The following FNIP1 variants were observed in gnomAD, a reference collection of about 807,000 sequenced individuals.
The protein encoded by FNIP1 is folliculin-interacting protein 1.
In FNIP1, 40 loss-of-function variants were observed where a neutral mutation model predicts 124.5. The ratio of observed to expected loss-of-function variants is 0.32; its 90% confidence interval spans 0.25 to 0.42. FNIP1 has a LOEUF of 0.42. Ranked by LOEUF, FNIP1 falls within the 10% of genes least tolerant of loss-of-function variation. The probability of loss-of-function intolerance (pLI) is 1.00; values close to 1 mark genes in which losing one functional copy is unlikely to be tolerated. For synonymous variants in FNIP1, 472 were observed against 470.6 expected (o/e 1.00, Z -0.04); for missense variants, 1,176 against 1,403.7 (o/e 0.84, Z 2.59).
At chr5:131,722,490 T>C (rs1484312374) in intron 3 of FNIP1, among the ~76,000 whole-genome samples, 1 of 152,218 alleles carries the variant, frequency 6.6e-6, no homozygotes, top group Non-Finnish European at 1.5e-5. Context: ...ATTTTACAAC[T>C]GGAGACCAGG....
rs1469227377 is a variant in FNIP1, at chr5:131,643,999, C to T, written c.*686G>A. 1 of 152,124 alleles carries T rather than the reference C, an allele frequency of 6.6e-6. No individual in the cohort carries two copies. Among genetic ancestry groups the T allele is most frequent in the Non-Finnish European group, 1.5e-5 (1 of 67,958 alleles). 9.4% of individuals were successfully genotyped at this position (152,124 alleles called of 1,614,324 possible). A position where few individuals can be genotyped will look rare whatever the true frequency, so the allele number is the denominator to read the frequency against. Reference sequence around the variant, plus strand: ...TAGAGTGTGTGAAACAGAAAAATCACCAATAAGTAATATTTCAGCATTATA... The same window carrying T: ...TAGAGTGTGTGAAACAGAAAAATCATCAATAAGTAATATTTCAGCATTATA... On this transcript the variant is annotated 3_prime_UTR_variant, in exon 18 of 18. Transcript: ENST00000510461.
At chr5:131,699,395 CTTT>C (rs1230600109) in intron 10 of FNIP1, among the ~76,000 whole-genome samples, 5 of 135,990 alleles carry the variant, frequency 3.7e-5, no homozygotes, top group African/African-American at 5.6e-5. Context: ...CTGTTAACTC[CTTT>C]TTTTTTTTTT....
chr5:131,767,427 CAAAAAA>C (rs139550903), intron 1 of FNIP1, among the ~76,000 whole-genome samples: 1 of 63,992 alleles, frequency 1.6e-5, no homozygotes, highest in African/African-American at 5.0e-5. Context: ...GATTCTGTCT[CAAAAAA>C]AAAAAAAAAA....
chr5:131,679,687 A>C (rs571068378), intron 11 of FNIP1, among the ~76,000 whole-genome samples: 1 of 152,330 alleles, frequency 6.6e-6, no homozygotes, highest in Admixed American at 6.5e-5. Flanking sequence ...AACAGTATAC[A>C]TACATGCTAC....
At chr5:131,667,677 C>T (rs192478709) in intron 15 of FNIP1, among the ~76,000 whole-genome samples, 156 of 150,608 alleles carry the variant, frequency 1.0e-3, no homozygotes, top group Non-Finnish European at 1.7e-3. Context: ...CAACCTCTAC[C>T]TCCTGGATTC....
At chr5:131,696,475 A>G (rs1561660098) in intron 11 of FNIP1, among the ~76,000 whole-genome samples, 1 of 152,152 alleles carries the variant, frequency 6.6e-6, no homozygotes, top group African/African-American at 2.4e-5. Context: ...CCGTATCACT[A>G]GAGTTTCAGT....
At chr5:131,650,805 T>A (rs1283469829) in intron 16 of FNIP1, among the ~76,000 whole-genome samples, 1 of 152,220 alleles carries the variant, frequency 6.6e-6, no homozygotes, top group Admixed American at 6.5e-5. Context: ...AACTATGGTA[T>A]GTTATAGTTC....
intron 1 of FNIP1, among the ~76,000 whole-genome samples, chr5:131,757,633 GCCAA>G (rs1475239999): frequency 6.9e-6 from 1 of 145,256 alleles, no homozygotes; most frequent in South Asian, 2.2e-4. Context: ...GCCTCTGAAG[GCCAA>G]AAAAAAAAAA....
intron 2 of FNIP1, among the ~76,000 whole-genome samples, chr5:131,743,684 G>T (rs1580803818): frequency 6.6e-6 from 1 of 152,132 alleles, no homozygotes; most frequent in South Asian, 2.1e-4. Context: ...CATGAATGGG[G>T]TTGGTGTCCT....
intron 15 of FNIP1, among the ~76,000 whole-genome samples, chr5:131,670,211 C>G (rs1324895341): frequency 1.3e-5 from 2 of 151,998 alleles, no homozygotes; most frequent in Non-Finnish European, 2.9e-5. Context: ...CTATAAATAA[C>G]CTAGTTGATG....
chr5:131,681,294 T>C (rs1486955775), intron 11 of FNIP1, among the ~76,000 whole-genome samples: 1 of 152,142 alleles, frequency 6.6e-6, no homozygotes, highest in Non-Finnish European at 1.5e-5. Flanking sequence ...TAAATATGCT[T>C]CTTCAGGTAA....
Position 131,643,818 on chromosome 5 carries a change from C to T in FNIP1, c.*867G>A, listed in dbSNP as rs1337460945. The T allele has an allele frequency of 6.6e-6, 1 of 152,326 alleles. No homozygotes were observed. The highest frequency in any genetic ancestry group is 1.9e-4 in the East Asian group (1 of 5,194). 9.4% of individuals were successfully genotyped at this position (152,326 alleles called of 1,614,324 possible). On this transcript the variant is annotated 3_prime_UTR_variant, in exon 18 of 18. Transcript: ENST00000510461. ...TATTGTTTTTGCCGATGCTTTGGTGCAATTTTTAATCCTAATTTTCATTTA... is the reference window on the plus strand; with the variant it reads ...TATTGTTTTTGCCGATGCTTTGGTGTAATTTTTAATCCTAATTTTCATTTA...
At position 131,706,463 on chromosome 5, in the gene FNIP1, G is replaced by T; in HGVS notation, c.862C>A (p.Arg288Ser). ...CTTGTTGTTTGGCTGCGTCGCCAAC[G>T]TCGCTGGTAGCTGCTGGCACAACTT... ...TRSCASSYQR[R>S]WRRSQTTSLE... is the part of the protein sequence containing the mutation. Residue 288 changes from arginine (R) to serine (S), a missense_variant, in exon 9 of 18, where the codon CGT becomes AGT. Transcript: ENST00000510461. 6.2e-7 allele frequency: 1 copy of T among 1,613,390 alleles called. No homozygotes were observed. Among genetic ancestry groups the T allele is most frequent in the Non-Finnish European group, 8.5e-7 (1 of 1,179,612 alleles).
At chr5:131,645,880 T>C (rs1311929740) in intron 17 of FNIP1, among the ~76,000 whole-genome samples, 1 of 152,194 alleles carries the variant, frequency 6.6e-6, no homozygotes, top group Non-Finnish European at 1.5e-5. Flanking sequence ...CACAAGAGTA[T>C]AACTCAACTT....
chr5:131,697,429 T>C lies in FNIP1; in HGVS notation c.1202+1488A>G, dbSNP rs566090938. Among the ~76,000 whole-genome samples the C allele has an allele frequency of 2.6e-5, 4 of 152,204 alleles. No homozygotes were observed. In the South Asian group the frequency reaches 8.3e-4, roughly 32 times the overall value. On this transcript the variant is annotated intron_variant, in intron 11 of 17. Coordinates refer to ENST00000510461, the MANE Select transcript of FNIP1 (RefSeq NM_133372.3). ...CACATGCCAACACGCCTGGCCCAGATACATATTTTTAATTTTAGTTACTAT... is the reference window on the plus strand; with the variant it reads ...CACATGCCAACACGCCTGGCCCAGACACATATTTTTAATTTTAGTTACTAT...
intron 1 of FNIP1, among the ~76,000 whole-genome samples, chr5:131,767,653 G>T (rs1483054255): frequency 6.6e-6 from 1 of 151,938 alleles, no homozygotes; most frequent in East Asian, 1.9e-4. Context: ...CAACCACTTT[G>T]CTAAACAAGT....
At chr5:131,728,926 T>C (rs935586254) in intron 3 of FNIP1, among the ~76,000 whole-genome samples, 9 of 152,232 alleles carry the variant, frequency 5.9e-5, no homozygotes, top group Admixed American at 2.6e-4. Context: ...GTTTTCCTTC[T>C]ACCAGTCAGG....
At chr5:131,790,374 G>C (rs1248294327) in intron 1 of FNIP1, among the ~76,000 whole-genome samples, 2 of 151,724 alleles carry the variant, frequency 1.3e-5, no homozygotes, top group African/African-American at 4.8e-5. Context: ...AGCTATTCGG[G>C]AGGCTGAGGT....
intron 10 of FNIP1, among the ~76,000 whole-genome samples, chr5:131,703,231 C>T (rs556551239): frequency 4.1e-4 from 62 of 152,282 alleles, no homozygotes; most frequent in African/African-American, 1.5e-3. Flanking sequence ...GAATCCAACT[C>T]TTTCTTACCA....
Sources: allele counts gnomAD v4.1 joint callset (sites outside exome capture counted in the v4.1 genomes callset), GRCh38; gene constraint gnomAD v4.1.1; transcripts MANE v1.5; gene names NCBI Gene and HGNC (gene_info 2026-07-23, HGNC 2026-07-21).